Variants in GABRA4 observed in about 807,000 individuals in gnomAD.
GABRA4 encodes gamma-aminobutyric acid type A receptor subunit alpha4.
Under a neutral mutation model 49.7 loss-of-function variants are expected in GABRA4, and 12 were observed. The ratio of observed to expected loss-of-function variants is 0.24; its 90% CI spans 0.15 to 0.39. The LOEUF is 0.39. Ranked by LOEUF, GABRA4 falls within the 10% of genes least tolerant of loss-of-function variation. The pLI is 1.00. For missense variants in GABRA4, 506 were observed against 686.0 expected (o/e 0.74, Z 2.93); for synonymous variants, 288 against 240.2 (o/e 1.20, Z -1.84).
intron 2 of GABRA4, among the ~76,000 whole-genome samples, chr4:46,982,380 G>A (rs1482364905): frequency 6.6e-6 from 1 of 150,498 alleles, no homozygotes; most frequent in East Asian, 2.0e-4. Flanking sequence ...TTAGGACACA[G>A]ACACACACAC....
At chr4:46,990,117 G>GAAAC (rs901544153) in intron 2 of GABRA4, among the ~76,000 whole-genome samples, 7 of 150,960 alleles carry the variant, frequency 4.6e-5, no homozygotes, top group Admixed American at 2.0e-4. Context: ...GCAAAGCCAA[G>GAAAC]AAACAAACAA....
At chr4:46,971,352 G>A (rs1722942934) in intron 6 of GABRA4, 117 bp from the exon 7 acceptor site, 3 of 872,224 alleles carry the variant, frequency 3.4e-6, no homozygotes, top group Middle Eastern at 2.2e-4. Context: ...TCTCTTTTGT[G>A]CATAGCTACA....
chr4:46,938,984 A>G (rs1383860050), intron 8 of GABRA4, among the ~76,000 whole-genome samples: 2 of 152,034 alleles, frequency 1.3e-5, no homozygotes, highest in African/African-American at 4.8e-5. Flanking sequence ...TAGAGAATAC[A>G]TTACCCAGCC....
chr4:46,936,026 T>C (rs1721591281), intron 8 of GABRA4, among the ~76,000 whole-genome samples: 1 of 152,160 alleles, frequency 6.6e-6, no homozygotes, highest in Non-Finnish European at 1.5e-5. Context: ...CAGGAAAAAG[T>C]AGCAATAACA....
intron 8 of GABRA4, among the ~76,000 whole-genome samples, chr4:46,944,288 A>C (rs2109351087): frequency 6.6e-6 from 1 of 152,178 alleles, no homozygotes; most frequent in Middle Eastern, 3.4e-3. Flanking sequence ...AAGTGAACCT[A>C]ATCAACAAAA....
rs776401500 is a variant in GABRA4, at chr4:46,921,121, G to C, written c.*7104C>G. On this transcript the variant is annotated 3_prime_UTR_variant, in exon 9 of 9. Transcript: ENST00000264318. ...TTATTCAAAATTTCTTTTATATTAC[G>C]CATGGGTATTTCTTTTTTTTTTTAA... is the stretch of plus-strand genomic sequence containing the variant. The C allele has an allele frequency of 1.3e-5, 2 of 151,026 alleles. No homozygotes were observed. The highest frequency in any genetic ancestry group is 4.8e-5 in the African/African-American group (2 of 41,278). 9.4% of individuals were successfully genotyped at this position (151,026 alleles called of 1,614,324 possible). A position where few individuals can be genotyped will look rare whatever the true frequency, so the allele number is the denominator to read the frequency against.
intron 6 of GABRA4, 104 bp from the exon 7 acceptor site, chr4:46,971,339 A>C: frequency 1.9e-6 from 2 of 1,071,604 alleles, no homozygotes; most frequent in African/African-American, 1.6e-5. Context: ...TAAGGAAAGA[A>C]ATTCTCTTTT....
At chr4:46,957,571 T>C (rs1280389869) in intron 8 of GABRA4, among the ~76,000 whole-genome samples, 1 of 151,970 alleles carries the variant, frequency 6.6e-6, no homozygotes, top group Non-Finnish European at 1.5e-5. Flanking sequence ...AAAGGACAAG[T>C]TGTCCTGCTA....
intron 7 of GABRA4, among the ~76,000 whole-genome samples, chr4:46,967,972 C>T (rs571843289): frequency 6.6e-6 from 1 of 151,572 alleles, no homozygotes; most frequent in Non-Finnish European, 1.5e-5. Context: ...AGGCATACAG[C>T]TTTGGAGATA....
At chr4:46,983,430 C>A (rs574713529) in intron 2 of GABRA4, among the ~76,000 whole-genome samples, 1 of 152,090 alleles carries the variant, frequency 6.6e-6, no homozygotes, top group African/African-American at 2.4e-5. Context: ...CAATGCCTTG[C>A]ACATATTAGG....
chr4:46,985,590 A>C (rs533564233), intron 2 of GABRA4, among the ~76,000 whole-genome samples: 1 of 152,138 alleles, frequency 6.6e-6, no homozygotes, highest in Non-Finnish European at 1.5e-5. Context: ...GATATATACA[A>C]ATGCAATCAG....
Position 46,928,742 on chromosome 4 carries a change from T to C in GABRA4, c.1148A>G (p.Asn383Ser), listed in dbSNP as rs542580558. The part of the protein sequence containing the change: ...PEAPLQNTNA[N>S]LNMRKRTNAL... Reference sequence around the variant, plus strand: ...ATTTGTTCTTTTTCTCATGTTCAAATTGGCATTTGTATTCTGAAAAGGTAT... The same window carrying C: ...ATTTGTTCTTTTTCTCATGTTCAAACTGGCATTTGTATTCTGAAAAGGTAT... Residue 383 changes from asparagine (N) to serine (S), a missense_variant, in exon 9 of 9, where the codon AAT becomes AGT. Around this residue, in one of 5 missense-constraint regions of GABRA4, gnomAD observed 243 missense variants for 210.8 expected, o/e 1.15. Transcript: ENST00000264318. 3.7e-5 allele frequency: 60 copies of C among 1,608,786 alleles called. 1 individual carries two copies. In the Middle Eastern group the frequency reaches 5.0e-4, roughly 13 times the overall value.
At position 46,928,684 on chromosome 4, in the gene GABRA4, G is replaced by T. The variant is rs867684684; in HGVS notation, c.1206C>A (p.Asn402Lys). The T allele has an allele frequency of 6.2e-7, 1 of 1,613,072 alleles. No individual in the cohort carries two copies. The highest frequency in any genetic ancestry group is 1.7e-5 in the Admixed American group (1 of 59,864). Residue 402 changes from asparagine (N) to lysine (K), a missense_variant, in exon 9 of 9, where the codon AAC becomes AAA. Physicochemically the swap from Asn to Lys is moderately conservative, Grantham distance 94. This residue lies in a region of GABRA4 where 243 missense variants were observed against 210.8 expected (regional missense o/e 1.15). Coordinates refer to ENST00000264318, the MANE Select transcript of GABRA4 (RefSeq NM_000809.4). ...TTGAATGGTTTCCCACCTCAGTTCT[G>T]TTGCCAACATCAGATTCAGAGTGAA... ...ALVHSESDVG[N>K]RTEVGNHSSK...
chr4:46,965,279 TA>T lies in GABRA4; in HGVS notation c.875-51del, dbSNP rs752906898. The T allele has an allele frequency of 3.5e-5, 47 of 1,352,936 alleles. No homozygotes were observed. The African/African-American group carries it at 6.4e-4, about 18-fold the overall frequency. The allele number at this position is 1,352,936 out of a possible 1,614,324, so 83.8% of individuals were successfully genotyped here. A position where few individuals can be genotyped will look rare whatever the true frequency, so the allele number is the denominator to read the frequency against. ...CAAAACACCTTACCATCATTTGTAT[TA>T]AAAAGCACCGCCACCACCAACAAAA... On this transcript the variant is annotated intron_variant, in intron 7 of 8. Coordinates refer to ENST00000264318, the MANE Select transcript of GABRA4 (RefSeq NM_000809.4).
At chr4:46,989,306 G>C (rs1723657149) in intron 2 of GABRA4, among the ~76,000 whole-genome samples, 1 of 152,172 alleles carries the variant, frequency 6.6e-6, no homozygotes, top group Non-Finnish European at 1.5e-5. Flanking sequence ...AAGTGAACGA[G>C]AGCTAGGGGA....
intron 8 of GABRA4, among the ~76,000 whole-genome samples, chr4:46,948,874 C>A (rs545600723): frequency 3.3e-5 from 5 of 152,090 alleles, no homozygotes; most frequent in Non-Finnish European, 7.4e-5. Flanking sequence ...CTCTCACCTT[C>A]ATATTTGTGA....
chr4:46,975,022 C>G (rs918343779), intron 5 of GABRA4, among the ~76,000 whole-genome samples: 3 of 151,906 alleles, frequency 2.0e-5, no homozygotes, highest in African/African-American at 7.2e-5. Context: ...GACATTTCCC[C>G]TTACATCTTC....
At chr4:46,992,779 CAA>C (rs1253620689) in intron 2 of GABRA4, 47 bp downstream of exon 2, 1 of 1,316,690 alleles carries the variant, frequency 7.6e-7, no homozygotes, top group African/African-American at 1.5e-5. Flanking sequence ...ACAGGAAGAC[CAA>C]GAGAGGGACA....
In GABRA4 at chr4:46,941,215, T is replaced by A. The variant is rs550613540; in HGVS notation, c.1135-12460A>T. ...TCTCTATCAACTTGTATAAAACAAA[T>A]CTTAAAACCAAAACTATGAACTATC... On this transcript the variant is annotated intron_variant, in intron 8 of 8. Transcript: ENST00000264318. 8.5e-4 allele frequency among the ~76,000 whole-genome samples: 129 copies of A among 151,974 alleles called. 1 individual carries two copies. Among genetic ancestry groups the A allele is most frequent in the Non-Finnish European group, 1.5e-3 (100 of 67,946 alleles).
Sources: gnomAD v4.1 joint callset for allele counts (sites outside exome capture counted in the v4.1 genomes callset) on GRCh38, gnomAD v4.1.1 for gene constraint, gnomAD v4.1.1 regional missense constraint, MANE v1.5 for transcripts, NCBI Gene and HGNC (gene_info 2026-07-23, HGNC 2026-07-21) for gene names.